Variants in MATN2 observed in about 807,000 individuals in gnomAD.
MATN2 encodes the protein matrilin-2.
Under a neutral mutation model 103.2 loss-of-function variants are expected in MATN2, and 69 were observed. The ratio of observed to expected loss-of-function variants is 0.67; its 90% confidence interval spans 0.55 to 0.82. The LOEUF (loss-of-function observed/expected upper bound fraction) is 0.82. MATN2 is among the 40% of genes least tolerant of loss of function. The pLI, the probability that MATN2 is intolerant of heterozygous loss-of-function variation, is 0.00. For missense variants in MATN2, 1,023 were observed against 1,211.5 expected, an observed-to-expected ratio of 0.84 and a Z score of 2.31; for synonymous variants, 429 against 450.2, an observed-to-expected ratio of 0.95 and a Z score of 0.60.
At chr8:97,902,519 A>G (rs1490415420) in intron 2 of MATN2, among the ~76,000 whole-genome samples, 1 of 151,916 alleles carries the variant, frequency 6.6e-6, no homozygotes, top group Non-Finnish European at 1.5e-5. Flanking sequence ...AAGAATAAAA[A>G]AAAAGACAAA....
At chr8:97,943,435 CTCCT>C (rs1810641347) in intron 4 of MATN2, among the ~76,000 whole-genome samples, 1 of 150,846 alleles carries the variant, frequency 6.6e-6, no homozygotes, top group African/African-American at 2.5e-5. Flanking sequence ...CCTTCTCCTT[CTCCT>C]CCTCCTCCAC....
rs1390208523 is a variant in MATN2 at position 98,007,062 on chromosome 8, G to A, written c.1328-43G>A. 1 of 1,557,950 alleles carries A rather than the reference G, an allele frequency of 6.4e-7. No individual in the cohort carries two copies. The highest frequency in any genetic ancestry group is 8.7e-7 in the Non-Finnish European group (1 of 1,148,172). Reference sequence around the variant, plus strand: ...GAATCTTGGTTGCTGGTGGGGTATTGCCCCCTCGGCTCCTCTATGCTTTCG... The same window carrying A: ...GAATCTTGGTTGCTGGTGGGGTATTACCCCCTCGGCTCCTCTATGCTTTCG... On this transcript the variant is annotated intron_variant, in intron 8 of 18. Coordinates refer to ENST00000254898, the MANE Select transcript of MATN2 (RefSeq NM_002380.5). The surrounding 1 kb of genome is among the most constrained non-coding windows in gnomAD (Gnocchi z 4.2).
At chr8:97,916,185 T>G (rs1809623137) in intron 2 of MATN2, among the ~76,000 whole-genome samples, 1 of 152,054 alleles carries the variant, frequency 6.6e-6, no homozygotes, top group Admixed American at 6.6e-5. Flanking sequence ...TTCTCATGCC[T>G]CAGCGTCCCA....
intron 1 of MATN2, among the ~76,000 whole-genome samples, chr8:97,870,740 C>T (rs886777806): frequency 6.6e-6 from 1 of 152,138 alleles, no homozygotes; most frequent in African/African-American, 2.4e-5. Context: ...TGCAGGAGTC[C>T]ACACGGGCGC....
intron 6 of MATN2, among the ~76,000 whole-genome samples, chr8:97,992,745 C>CAAAAAAAAAAAAAAAAAAA (rs58985201): frequency 3.8e-4 from 19 of 49,570 alleles, no homozygotes; most frequent in African/African-American, 1.0e-3. Flanking sequence ...GACTCCATCT[C>CAAAAAAAAAAAAAAAAAAA]AAAAAAAAAA....
At chr8:97,915,667 C>T (rs1809601639) in intron 2 of MATN2, among the ~76,000 whole-genome samples, 1 of 152,246 alleles carries the variant, frequency 6.6e-6, no homozygotes, top group Non-Finnish European at 1.5e-5. Flanking sequence ...CAGGTCTCTG[C>T]TCTGCTCTGG....
At chr8:97,988,171 A>AAAATATATAT (rs1252963740) in intron 6 of MATN2, among the ~76,000 whole-genome samples, 5 of 46,104 alleles carry the variant, frequency 1.1e-4, no homozygotes, top group African/African-American at 6.4e-4. Flanking sequence ...AAAAAAAAAA[A>AAAATATATAT]ATATATATAT....
rs769121034 is a variant in MATN2, at chr8:98,027,843, G to C, written c.2356+14G>C. On this transcript the variant is annotated intron_variant, in intron 14 of 18. Transcript: ENST00000254898. ...CCAAGGCCAATGGTAATATGGGGTG[G>C]AGGTGCGGTTTACACCACTCAAGGT... 1 of 1,542,340 alleles carries C rather than the reference G, an allele frequency of 6.5e-7. No individual in the cohort carries two copies. The highest frequency in any genetic ancestry group is 1.3e-5 in the South Asian group (1 of 78,358).
At chr8:97,925,873 C>G (rs188935820) in intron 2 of MATN2, among the ~76,000 whole-genome samples, 318 of 152,284 alleles carry the variant, frequency 2.1e-3, no homozygotes, top group African/African-American at 5.1e-3. Flanking sequence ...CAAATGTGTC[C>G]TAACTTCCCC....
rs185575623 is a variant in MATN2, at chr8:98,026,340, A to C, written c.1943-1076A>C. On this transcript the variant is annotated intron_variant, in intron 13 of 18. Coordinates refer to ENST00000254898, the MANE Select transcript of MATN2 (RefSeq NM_002380.5). ...AGCGGCACAATCATAGCTTACTGCA[A>C]CCTGTAATTCTTGGGCTCCGGTAAT... Among the ~76,000 whole-genome samples the C allele has an allele frequency of 1.4e-3, 218 of 151,522 alleles. 1 individual carries two copies. Among genetic ancestry groups the C allele is most frequent in the African/African-American group, 5.1e-3 (211 of 41,280 alleles).
chr8:97,907,040 G>T (rs113625770), intron 2 of MATN2, among the ~76,000 whole-genome samples: 3 of 137,624 alleles, frequency 2.2e-5, no homozygotes, highest in African/African-American at 8.5e-5. Flanking sequence ...TTGCTCTGTC[G>T]CCCAGGCTGG....
intron 8 of MATN2, 33 bp downstream of exon 8, chr8:98,003,816 A>T: frequency 6.2e-7 from 1 of 1,612,766 alleles, no homozygotes; most frequent in Non-Finnish European, 8.5e-7. Flanking sequence ...GTGCTGATGG[A>T]AGGTGGGGTC....
intron 18 of MATN2, chr8:98,034,166 C>T (rs1246565577): frequency 4.4e-6 from 2 of 455,138 alleles, no homozygotes; most frequent in Admixed American, 4.7e-5. Context: ...TTTTTTTTCC[C>T]TTGGCAGCAG....
At position 97,886,856 on chromosome 8, in the gene MATN2, A is replaced by G. The variant is rs118002187; in HGVS notation, c.-26-1219A>G. On this transcript the variant is annotated intron_variant, in intron 1 of 18. Coordinates refer to ENST00000254898, the MANE Select transcript of MATN2 (RefSeq NM_002380.5). ...TTTCCTTTCAGTTTTCTACTAATCA[A>G]TGCATTGGAAAATTGACCTGCTAGT... Among the ~76,000 whole-genome samples the G allele has an allele frequency of 1.1e-4, 17 of 151,418 alleles. 1 individual carries two copies. The East Asian group carries it at 2.3e-3, about 21-fold the overall frequency.
intron 4 of MATN2, 26 bp downstream of exon 4, chr8:97,941,925 G>C: frequency 6.2e-7 from 1 of 1,609,800 alleles, no homozygotes; most frequent in Non-Finnish European, 8.5e-7. Context: ...TGATGTATTT[G>C]TGGTTTCTTC....
chr8:97,975,671 G>A (rs1390805883), intron 5 of MATN2, among the ~76,000 whole-genome samples: 3 of 152,184 alleles, frequency 2.0e-5, no homozygotes, highest in African/African-American at 7.2e-5. Context: ...AGATAGGACT[G>A]GCTGACTGAT....
At chr8:98,011,888 A>G (rs1184733836) in intron 10 of MATN2, among the ~76,000 whole-genome samples, 1 of 152,216 alleles carries the variant, frequency 6.6e-6, no homozygotes, top group Non-Finnish European at 1.5e-5. Context: ...GCTGCTAGAC[A>G]GGGACCCTAA....
intron 2 of MATN2, 87 bp from the exon 3 acceptor site, chr8:97,930,865 AC>A: frequency 2.4e-6 from 2 of 832,420 alleles, no homozygotes; most frequent in Non-Finnish European, 3.7e-6. Context: ...CAGGTGATCC[AC>A]CCGCCTTCCA....
At chr8:97,925,837 A>G (rs1402715946) in intron 2 of MATN2, among the ~76,000 whole-genome samples, 1 of 152,186 alleles carries the variant, frequency 6.6e-6, no homozygotes, top group South Asian at 2.1e-4. Flanking sequence ...TACCCTTGTC[A>G]TGGAGATTCA....
Sources: gnomAD v4.1 joint callset for allele counts (sites outside exome capture counted in the v4.1 genomes callset) on GRCh38, gnomAD v4.1.1 for gene constraint, Gnocchi (gnomAD v3.1) non-coding constraint, MANE v1.5 for transcripts, NCBI Gene and HGNC (gene_info 2026-07-23, HGNC 2026-07-21) for gene names.